Variants in CPZ observed in about 807,000 individuals in gnomAD.
CPZ encodes carboxypeptidase Z.
CPZ carries 103 observed loss-of-function variants against 61.8 expected under a neutral mutation model. The observed-to-expected ratio is 1.67, with a 90% CI of 1.42 to 1.96. The LOEUF is 1.96. CPZ is among the 30% of genes most tolerant of loss of function. The pLI, the probability that CPZ is intolerant of heterozygous loss-of-function variation, is 0.00. For missense variants in CPZ, 1,461 were observed against 914.9 expected (o/e 1.60, Z -7.70); for synonymous variants, 551 against 373.7 (o/e 1.47, Z -5.47).
chr4:8,613,821 G>A (rs1236679605), intron 8 of CPZ, among the ~76,000 whole-genome samples: 1 of 152,218 alleles, frequency 6.6e-6, no homozygotes, highest in Non-Finnish European at 1.5e-5. Context: ...CCTGGGAGAT[G>A]GAGCTAATAG....
chr4:8,618,501 A>G lies in CPZ; in HGVS notation c.1576A>G (p.Lys526Glu), dbSNP rs1716399553. 3 of 1,614,098 alleles carry G rather than the reference A, an allele frequency of 1.9e-6. No individual in the cohort carries two copies. The highest frequency in any genetic ancestry group is 2.5e-6 in the Non-Finnish European group (3 of 1,180,032). Residue 526 changes from lysine to glutamate, a missense_variant, in exon 10 of 11, where the codon AAA becomes GAA. Coordinates refer to ENST00000360986, the MANE Select transcript of CPZ (RefSeq NM_001014447.3). ...AGTCAAAAACGCCCGGATCTCAGTC[A>G]AAGGCATTCGCCACGACATCACCAC... ...KPVKNARISV[K>E]GIRHDITTAP...
At chr4:8,610,419 A>C (rs1033131716) in intron 7 of CPZ, among the ~76,000 whole-genome samples, 13 of 152,188 alleles carry the variant, frequency 8.5e-5, no homozygotes, top group African/African-American at 2.6e-4. Flanking sequence ...GATGGGAGGG[A>C]GGCCCCAGGG....
chr4:8,610,959 C>G (rs967216028), intron 7 of CPZ, among the ~76,000 whole-genome samples: 5 of 152,234 alleles, frequency 3.3e-5, no homozygotes, highest in African/African-American at 4.8e-5. Context: ...TCACTCTGGC[C>G]TGGAGCAATC....
intron 9 of CPZ, 67 bp downstream of exon 9, chr4:8,614,565 C>A: frequency 6.4e-7 from 1 of 1,553,480 alleles, no homozygotes; most frequent in Non-Finnish European, 8.7e-7. Context: ...ACATTCAGGC[C>A]CCCAGGGCAG....
intron 7 of CPZ, among the ~76,000 whole-genome samples, chr4:8,607,777 T>C (rs2109328321): frequency 6.6e-6 from 1 of 150,938 alleles, no homozygotes; most frequent in African/African-American, 2.4e-5. Context: ...CGCAGAGGGG[T>C]GCGTTTCCGG....
chr4:8,605,714 G>A (rs1368750445), intron 4 of CPZ, among the ~76,000 whole-genome samples: 1 of 147,464 alleles, frequency 6.8e-6, no homozygotes, highest in Non-Finnish European at 1.5e-5. Context: ...CAAACATGAA[G>A]AGAGACCATC....
chr4:8,619,141 C>T, intron 10 of CPZ, 121 bp from the exon 11 acceptor site: 1 of 789,144 alleles, frequency 1.3e-6, no homozygotes, highest in Non-Finnish European at 2.0e-6. Flanking sequence ...CACACAGAGG[C>T]AAGTGCACAT....
At chr4:8,597,993 T>C (rs1275882126) in intron 1 of CPZ, among the ~76,000 whole-genome samples, 2 of 152,184 alleles carry the variant, frequency 1.3e-5, no homozygotes, top group African/African-American at 4.8e-5. Flanking sequence ...TTGTGGTTCA[T>C]AGTCCATGTT....
intron 4 of CPZ, among the ~76,000 whole-genome samples, chr4:8,605,353 T>TGCA (rs1714872315): frequency 7.4e-6 from 1 of 135,168 alleles, no homozygotes. Flanking sequence ...CATCCATTTA[T>TGCA]TCATTCAGCC....
chr4:8,603,781 G>T, intron 3 of CPZ, 195 bp from the exon 4 acceptor site: 1 of 612,250 alleles, frequency 1.6e-6, no homozygotes, highest in Non-Finnish European at 2.9e-6. Context: ...GCTGTGCTGT[G>T]TACATACCTC....
intron 7 of CPZ, among the ~76,000 whole-genome samples, chr4:8,608,116 T>C (rs1320653578): frequency 1.4e-5 from 2 of 145,590 alleles, no homozygotes; most frequent in Admixed American, 6.9e-5. Context: ...GGGGTTGTGA[T>C]CTGAGGTGGG....
Position 8,606,794 on chromosome 4 carries a change from A to T in CPZ, c.964A>T (p.Asn322Tyr). 3 of 1,614,152 alleles carry T rather than the reference A, an allele frequency of 1.9e-6. No individual in the cohort carries two copies. Among genetic ancestry groups the T allele is most frequent in the Non-Finnish European group, 2.5e-6 (3 of 1,180,030 alleles). Residue 322 changes from asparagine to tyrosine, a missense_variant, in exon 6 of 11, where the codon AAC (asparagine) becomes TAC (tyrosine). Physicochemically the swap from Asn to Tyr is moderately radical, Grantham distance 143 (BLOSUM62 -2). Transcript: ENST00000360986. ...GRQNAQNLDL[N>Y]RNFPDLTSEY... ...GCAGAACGCGCAGAACCTGGATCTGAACCGAAATTTCCCGGACCTGACGTC... is the reference window on the plus strand; with the variant it reads ...GCAGAACGCGCAGAACCTGGATCTGTACCGAAATTTCCCGGACCTGACGTC...
intron 7 of CPZ, among the ~76,000 whole-genome samples, chr4:8,609,782 A>G (rs767728097): frequency 2.6e-5 from 4 of 152,232 alleles, no homozygotes; most frequent in Non-Finnish European, 4.4e-5. Context: ...TTTCCAAGCC[A>G]TCAATCATCG....
intron 7 of CPZ, 43 bp downstream of exon 7, chr4:8,607,468 G>A (rs12643627): frequency 0.032 from 50,671 of 1,598,860 alleles, 1,703 homozygotes; most frequent in African/African-American, 0.16. Context: ...GAGACAGTGT[G>A]CGCGGTCCCC....
rs541553085 is a variant in CPZ at position 8,597,351 on chromosome 4, A to G, written c.89-2102A>G. The G allele has an allele frequency of 5.3e-5, 8 of 152,246 alleles. No homozygotes were observed. The South Asian group carries it at 1.7e-3, about 32-fold the overall frequency. The allele number at this position is 152,246 out of a possible 1,614,324, so 9.4% of individuals were successfully genotyped here. A position where few individuals can be genotyped will look rare whatever the true frequency, so the allele number is the denominator to read the frequency against. ...CACAGTATTTCAAGCAGAATCCCGG[A>G]CCAGCTTTTTTTTCATTCCTTTTTT... On this transcript the variant is annotated intron_variant, in intron 1 of 10. Transcript: ENST00000360986.
At chr4:8,605,949 G>C in intron 4 of CPZ, 40 bp from the exon 5 acceptor site, 1 of 1,588,872 alleles carries the variant, frequency 6.3e-7, no homozygotes, top group Middle Eastern at 1.7e-4. Flanking sequence ...GGGACCCCCG[G>C]CTTTGAGATG....
chr4:8,598,538 C>T (rs1251289049), intron 1 of CPZ, among the ~76,000 whole-genome samples: 2 of 152,244 alleles, frequency 1.3e-5, no homozygotes, highest in African/African-American at 4.8e-5. Context: ...CTCCACACGT[C>T]CTGCCTGTGG....
chr4:8,599,408 G>C, intron 1 of CPZ, 45 bp from the exon 2 acceptor site: 1 of 1,562,370 alleles, frequency 6.4e-7, no homozygotes, highest in Non-Finnish European at 8.7e-7. Flanking sequence ...GGTGAGTGAA[G>C]GATGGCGAGG....
chr4:8,609,093 C>T (rs1476501474), intron 7 of CPZ, among the ~76,000 whole-genome samples: 1 of 18,426 alleles, frequency 5.4e-5, no homozygotes, highest in Non-Finnish European at 4.6e-4. Context: ...TTCACCCATT[C>T]ACTCACTCAC....
Sources: allele counts gnomAD v4.1 joint callset (sites outside exome capture counted in the v4.1 genomes callset), GRCh38; gene constraint gnomAD v4.1.1; transcripts MANE v1.5; gene names NCBI Gene and HGNC (gene_info 2026-07-23, HGNC 2026-07-21).